Variants in ERCC6L2 observed in about 807,000 individuals in gnomAD.
ERCC6L2 encodes the protein ERCC excision repair 6 like 2.
ERCC6L2 carries 77 observed loss-of-function variants against 132.0 expected under a neutral mutation model. The ratio of observed to expected loss-of-function variants is 0.58; its 90% CI spans 0.49 to 0.71. The LOEUF is 0.71. ERCC6L2 is among the 30% of genes least tolerant of loss of function. The pLI, the probability that ERCC6L2 is intolerant of heterozygous loss-of-function variation, is 0.00. For missense variants in ERCC6L2, 1,542 were observed against 1,837.6 expected, an observed-to-expected ratio of 0.84 and a Z score of 2.94; for synonymous variants, 583 against 632.4, an observed-to-expected ratio of 0.92 and a Z score of 1.17.
chr9:95,991,847 A>G (rs1833313277), intron 17 of ERCC6L2, among the ~76,000 whole-genome samples: 1 of 152,264 alleles, frequency 6.6e-6, no homozygotes, highest in African/African-American at 2.4e-5. Context: ...GATTTACCCA[A>G]AGTTCAAGAT....
chr9:95,930,234 T>G (rs1475307649), intron 11 of ERCC6L2, among the ~76,000 whole-genome samples: 2 of 152,084 alleles, frequency 1.3e-5, no homozygotes, highest in Non-Finnish European at 2.9e-5. Context: ...AGTTTTCTGC[T>G]TGTGTGGTTT....
At chr9:95,876,840 GTC>G (rs1311850641) in intron 1 of ERCC6L2, 2 of 152,210 alleles carry the variant, frequency 1.3e-5, no homozygotes, top group Non-Finnish European at 2.9e-5. Flanking sequence ...GAATTCTGAG[GTC>G]TAGGAATTGA....
chr9:95,902,724 T>C (rs1828842022), intron 3 of ERCC6L2, among the ~76,000 whole-genome samples: 2 of 152,278 alleles, frequency 1.3e-5, no homozygotes, highest in Non-Finnish European at 2.9e-5. Context: ...TTAGCAAACA[T>C]AAATTTATGA....
Position 95,916,307 on chromosome 9 carries a change from C to A in ERCC6L2, c.1031C>A (p.Thr344Lys). The change falls in exon 6 of 19, where the codon ACG (threonine) becomes AAG (lysine). Residue 344 changes from threonine (T) to lysine (K), a missense_variant. Physicochemically the swap from Thr to Lys is moderately conservative, Grantham distance 78 (BLOSUM62 -1). Coordinates refer to ENST00000653738, the MANE Select transcript of ERCC6L2 (RefSeq NM_020207.7). ...CCAGTAGAACATGGTCAGAGACACA[C>A]GGCAACAAAGAGAGAACTAGCCACT... ...SDPVEHGQRHTATKRELATGR... is the reference protein window; with the variant it reads ...SDPVEHGQRHKATKRELATGR... 6.2e-7 allele frequency: 1 copy of A among 1,614,030 alleles called. No individual in the cohort carries two copies.
At chr9:95,982,068 A>T (rs781441551) in intron 17 of ERCC6L2, among the ~76,000 whole-genome samples, 91 of 152,200 alleles carry the variant, frequency 6.0e-4, no homozygotes, top group Non-Finnish European at 1.2e-3. Flanking sequence ...GAATTGGATG[A>T]CAGACACTTG....
intron 4 of ERCC6L2, among the ~76,000 whole-genome samples, chr9:95,912,883 G>T (rs1025515977): frequency 8.5e-5 from 13 of 152,088 alleles, no homozygotes; most frequent in Non-Finnish European, 1.6e-4. Context: ...AGTGGTTTTG[G>T]CCCAAAGGCT....
chr9:95,910,594 ATATTTGGAGTGAGTCTC>A (rs1451130655), intron 4 of ERCC6L2, among the ~76,000 whole-genome samples: 2 of 152,126 alleles, frequency 1.3e-5, no homozygotes, highest in East Asian at 3.9e-4. Context: ...TCTGTTCTTA[ATATTTGGAGTGAGTCTC>A]CAAATATTGC....
intron 4 of ERCC6L2, among the ~76,000 whole-genome samples, chr9:95,911,752 T>G (rs955978064): frequency 7.9e-5 from 12 of 152,158 alleles, no homozygotes; most frequent in Non-Finnish European, 1.2e-4. Context: ...GCTGTTATAT[T>G]TTTTACTTCA....
intron 7 of ERCC6L2, among the ~76,000 whole-genome samples, chr9:95,921,780 T>G (rs1419772676): frequency 6.6e-6 from 1 of 152,246 alleles, no homozygotes; most frequent in African/African-American, 2.4e-5. Flanking sequence ...AACCTTTTGT[T>G]TATATTTCCT....
chr9:95,953,356 C>T (rs1831433260), intron 12 of ERCC6L2, among the ~76,000 whole-genome samples: 1 of 152,112 alleles, frequency 6.6e-6, no homozygotes, highest in East Asian at 1.9e-4. Flanking sequence ...GCAGGCGGAT[C>T]ATGAGATCAG....
chr9:96,025,790 A>G (rs1834352320), intron 19 of ERCC6L2: 1 of 152,230 alleles, frequency 6.6e-6, no homozygotes, highest in South Asian at 2.1e-4. Context: ...TTCAACTTGC[A>G]AGGAACTGTG....
intron 13 of ERCC6L2, among the ~76,000 whole-genome samples, chr9:95,964,910 A>G (rs1056489415): frequency 1.3e-5 from 2 of 152,208 alleles, no homozygotes; most frequent in African/African-American, 4.8e-5. Context: ...AAGCTTATAA[A>G]GACTCAAATT....
intron 1 of ERCC6L2, among the ~76,000 whole-genome samples, chr9:95,878,289 C>T (rs760723385): frequency 1.3e-5 from 2 of 152,178 alleles, no homozygotes; most frequent in Non-Finnish European, 2.9e-5. Flanking sequence ...TAACAAATAG[C>T]TAATAACTGA....
At chr9:95,935,248 A>G (rs1306610191) in intron 11 of ERCC6L2, among the ~76,000 whole-genome samples, 1 of 152,200 alleles carries the variant, frequency 6.6e-6, no homozygotes, top group Non-Finnish European at 1.5e-5. Context: ...GATTTTATTA[A>G]AAAGAAAAGG....
chr9:95,897,771 G>T, intron 2 of ERCC6L2, 78 bp from the exon 3 acceptor site: 1 of 1,402,122 alleles, frequency 7.1e-7, no homozygotes, highest in Non-Finnish European at 9.9e-7. Context: ...GTCACTAATT[G>T]AATAGTCATG....
At chr9:95,909,593 AT>A (rs1328782017) in intron 4 of ERCC6L2, among the ~76,000 whole-genome samples, 3 of 152,048 alleles carry the variant, frequency 2.0e-5, no homozygotes, top group Non-Finnish European at 2.9e-5. Flanking sequence ...TTTGTTCAGC[AT>A]GTTTTTTGAG....
At chr9:95,878,149 A>C (rs1004530009) in intron 1 of ERCC6L2, among the ~76,000 whole-genome samples, 5 of 152,234 alleles carry the variant, frequency 3.3e-5, no homozygotes, top group African/African-American at 1.2e-4. Flanking sequence ...CCTGTGGGCT[A>C]AAACTGGTCT....
At chr9:96,024,579 C>G (rs1213927620) in intron 19 of ERCC6L2, among the ~76,000 whole-genome samples, 2 of 152,128 alleles carry the variant, frequency 1.3e-5, no homozygotes, top group Non-Finnish European at 2.9e-5. Flanking sequence ...CTTGGATTTC[C>G]CAGGGAGCTA....
intron 9 of ERCC6L2, among the ~76,000 whole-genome samples, chr9:95,923,902 C>G (rs1008899389): frequency 1.3e-5 from 2 of 152,088 alleles, no homozygotes; most frequent in South Asian, 4.2e-4. Flanking sequence ...GAAAATTGAC[C>G]TGTAGCTGTG....
Sources: gnomAD v4.1 joint callset for allele counts (sites outside exome capture counted in the v4.1 genomes callset) on GRCh38, gnomAD v4.1.1 for gene constraint, MANE v1.5 for transcripts, NCBI Gene and HGNC (gene_info 2026-07-23, HGNC 2026-07-21) for gene names.